The following AGBL1 variants were observed in gnomAD, a reference collection of about 807,000 sequenced individuals.
AGBL1 encodes the protein AGBL carboxypeptidase 1.
Under a neutral mutation model 118.9 loss-of-function variants are expected in AGBL1, and 130 were observed. The ratio of observed to expected loss-of-function variants is 1.09; its 90% CI spans 0.95 to 1.26. AGBL1 has a LOEUF of 1.26. Among genes scored for constraint, AGBL1 ranks in the 50% most tolerant of loss-of-function variants. AGBL1 has a pLI of 0.00. For missense variants in AGBL1, 1,584 were observed against 1,298.1 expected (o/e 1.22, Z -3.38); for synonymous variants, 555 against 478.9 (o/e 1.16, Z -2.08).
intron 10 of AGBL1, among the ~76,000 whole-genome samples, chr15:86,263,664 A>T (rs2079028637): frequency 6.6e-6 from 1 of 152,246 alleles, no homozygotes; most frequent in African/African-American, 2.4e-5. Context: ...AATTGGGAAC[A>T]TTAGACCTGG....
intron 21 of AGBL1, among the ~76,000 whole-genome samples, chr15:86,592,031 A>T (rs1022544588): frequency 6.6e-6 from 1 of 152,222 alleles, no homozygotes; most frequent in Non-Finnish European, 1.5e-5. Flanking sequence ...ACAATACCAC[A>T]GAAGTAATAT....
chr15:86,205,660 A>G (rs955613937), intron 5 of AGBL1, among the ~76,000 whole-genome samples: 9 of 152,148 alleles, frequency 5.9e-5, no homozygotes, highest in African/African-American at 1.9e-4. Flanking sequence ...ATAGGTATGT[A>G]TTGGTATTTC....
chr15:86,425,117 A>G (rs2081850345), intron 18 of AGBL1, among the ~76,000 whole-genome samples: 2 of 152,212 alleles, frequency 1.3e-5, no homozygotes, highest in African/African-American at 4.8e-5. Flanking sequence ...ACTATTCACA[A>G]TAGCAAACAC....
chr15:86,235,987 G>T (rs545287258), intron 6 of AGBL1, among the ~76,000 whole-genome samples: 1 of 152,340 alleles, frequency 6.6e-6, no homozygotes, highest in South Asian at 2.1e-4. Flanking sequence ...GGACACTGAG[G>T]CCGAAAGAGA....
intron 24 of AGBL1, among the ~76,000 whole-genome samples, chr15:86,991,502 T>C (rs957883758): frequency 3.3e-5 from 5 of 152,116 alleles, no homozygotes; most frequent in Non-Finnish European, 5.9e-5. Flanking sequence ...AACCAAAGTA[T>C]GAGAGATCAA....
chr15:86,718,708 G>A (rs540505403), intron 22 of AGBL1, among the ~76,000 whole-genome samples: 1 of 152,174 alleles, frequency 6.6e-6, no homozygotes, highest in East Asian at 1.9e-4. Context: ...AAAAATCTGA[G>A]GTGAAGTTAA....
chr15:86,702,047 C>G lies in AGBL1; in HGVS notation c.3158+27611C>G, dbSNP rs1404694292. Among the ~76,000 whole-genome samples, 3 of 151,480 alleles carry G rather than the reference C, an allele frequency of 2.0e-5. No homozygotes were observed. The East Asian group carries it at 5.8e-4, about 30-fold the overall frequency. On this transcript the variant is annotated intron_variant, in intron 22 of 22. Transcript: ENST00000614907. ...TCTCCTCTTTTCTTCTCTTCCCTCC[C>G]CTTCCCTTGTGGTTGATCTACTACA...
intron 22 of AGBL1, among the ~76,000 whole-genome samples, chr15:86,695,019 C>T (rs185415992): frequency 1.1e-3 from 166 of 152,142 alleles, no homozygotes; most frequent in African/African-American, 3.8e-3. Context: ...AGAATTTTTG[C>T]ATCTGTGTTC....
At chr15:86,918,188 G>C (rs1425608021), downstream of AGBL1, among the ~76,000 whole-genome samples, 1 of 152,162 alleles carries the variant, frequency 6.6e-6, no homozygotes, top group African/African-American at 2.4e-5. Context: ...ACCAGACCTT[G>C]GGCTGAATGT....
chr15:86,455,396 G>T (rs950495398), intron 18 of AGBL1, among the ~76,000 whole-genome samples: 4 of 152,014 alleles, frequency 2.6e-5, no homozygotes, highest in Non-Finnish European at 4.4e-5. Flanking sequence ...TCGAGCCCAG[G>T]TCTCTAGCAT....
chr15:86,610,509 TG>T (rs1427033188), intron 21 of AGBL1, among the ~76,000 whole-genome samples: 21 of 152,284 alleles, frequency 1.4e-4, no homozygotes, highest in African/African-American at 5.1e-4. Context: ...AAAGTCAGCC[TG>T]GGGCTGCTCA....
intron 22 of AGBL1, among the ~76,000 whole-genome samples, chr15:86,698,375 G>T (rs1596380345): frequency 6.6e-6 from 1 of 151,912 alleles, no homozygotes. Flanking sequence ...TATAGAAAAG[G>T]ATACTGAGGT....
chr15:86,377,425 G>A (rs943019787), intron 17 of AGBL1, among the ~76,000 whole-genome samples: 4 of 152,170 alleles, frequency 2.6e-5, no homozygotes, highest in South Asian at 4.1e-4. Context: ...TAGTTCTCAC[G>A]GCCTGAAGAC....
At chr15:86,149,995 A>T (rs1025310636) in intron 3 of AGBL1, among the ~76,000 whole-genome samples, 1 of 152,212 alleles carries the variant, frequency 6.6e-6, no homozygotes, top group Admixed American at 6.5e-5. Context: ...GCACAACTAC[A>T]TGGAAACTGA....
chr15:86,235,626 A>G (rs747981146), intron 6 of AGBL1, among the ~76,000 whole-genome samples: 1 of 152,240 alleles, frequency 6.6e-6, no homozygotes, highest in Non-Finnish European at 1.5e-5. Context: ...AGATGTACCT[A>G]AGGTGTTTCC....
intron 16 of AGBL1, among the ~76,000 whole-genome samples, chr15:86,289,273 A>T (rs1279240525): frequency 6.6e-6 from 1 of 152,124 alleles, no homozygotes; most frequent in Non-Finnish European, 1.5e-5. Flanking sequence ...GCTATTTTCC[A>T]TGCCTCACCG....
intron 18 of AGBL1, among the ~76,000 whole-genome samples, chr15:86,468,420 G>A (rs959084624): frequency 3.9e-5 from 6 of 152,106 alleles, no homozygotes; most frequent in South Asian, 2.1e-4. Context: ...TTCCCAGACC[G>A]CACTGCTGGA....
intron 23 of AGBL1, among the ~76,000 whole-genome samples, chr15:86,957,422 T>C (rs780155187): frequency 1.3e-5 from 2 of 151,970 alleles, no homozygotes; most frequent in Non-Finnish European, 2.9e-5. Flanking sequence ...CAGATAGAGG[T>C]ATGTCAACAA....
intron 21 of AGBL1, among the ~76,000 whole-genome samples, chr15:86,568,065 CT>C (rs201207032): frequency 7.8e-4 from 119 of 151,708 alleles, no homozygotes; most frequent in African/African-American, 2.8e-3. Flanking sequence ...CCCACTTTTA[CT>C]TTTTTTTTCT....
Sources: allele counts gnomAD v4.1 joint callset (sites outside exome capture counted in the v4.1 genomes callset), GRCh38; gene constraint gnomAD v4.1.1; transcripts MANE v1.5; gene names NCBI Gene and HGNC (gene_info 2026-07-23, HGNC 2026-07-21).